The following TENM1 variants were observed in gnomAD, a reference collection of about 807,000 sequenced individuals.
TENM1 encodes teneurin-1.
TENM1 carries 35 observed loss-of-function variants against 174.8 expected under a neutral mutation model. The observed-to-expected ratio is 0.20, with a 90% confidence interval of 0.15 to 0.27. TENM1 has a LOEUF of 0.27. Among genes scored for constraint, TENM1 ranks in the 10% least tolerant of loss-of-function variants. The pLI, the probability that TENM1 is intolerant of heterozygous loss-of-function variation, is 1.00. For missense variants in TENM1, 1,633 were observed against 2,130.1 expected (o/e 0.77, Z 4.59); for synonymous variants, 781 against 798.7 (o/e 0.98, Z 0.37).
the TENM1 span, among the ~76,000 whole-genome samples, chrX:125,090,829 C>G: frequency 3.6e-5 from 4 of 111,580 alleles, no homozygotes; most frequent in East Asian, 1.1e-3. Flanking sequence ...AACACAAATA[C>G]TTGCATAGAC....
At chrX:124,616,214 G>A (rs2050395554) in intron 11 of TENM1, among the ~76,000 whole-genome samples, 2 of 112,648 alleles carry the variant, frequency 1.8e-5, no homozygotes, top group African/African-American at 6.4e-5. Flanking sequence ...GCCCCAAATC[G>A]ACCACAAAAT....
chrX:124,514,291 T>C (rs987806284), intron 18 of TENM1, among the ~76,000 whole-genome samples: 1 of 108,127 alleles, frequency 9.2e-6, no homozygotes, highest in Non-Finnish European at 1.9e-5. Context: ...TGTCACAATT[T>C]AAGAAAAAAA....
At chrX:124,768,187 A>G (rs774447858) in intron 3 of TENM1, among the ~76,000 whole-genome samples, 1 of 112,274 alleles carries the variant, frequency 8.9e-6, no homozygotes, top group Non-Finnish European at 1.9e-5. Context: ...AAGATATTTT[A>G]ATACATAAAC....
chrX:124,452,916 C>A (rs192457626), intron 23 of TENM1, among the ~76,000 whole-genome samples: 24 of 108,339 alleles, frequency 2.2e-4, no homozygotes, highest in Admixed American at 1.2e-3. Context: ...ATGTAAATGA[C>A]AAGTTAATGG....
chrX:124,983,565 C>T, the TENM1 span, among the ~76,000 whole-genome samples: 8,710 of 111,010 alleles, frequency 0.078, 284 homozygotes, highest in South Asian at 0.17. Context: ...CTCCTGAAAC[C>T]GTAACAAAAT....
At chrX:125,092,351 T>G in the TENM1 span, among the ~76,000 whole-genome samples, 1 of 111,913 alleles carries the variant, frequency 8.9e-6, no homozygotes, top group African/African-American at 3.2e-5. Flanking sequence ...CATTATAAGA[T>G]TATCATTCTT....
At chrX:124,588,775 G>T (rs1417352740) in intron 11 of TENM1, among the ~76,000 whole-genome samples, 2 of 111,967 alleles carry the variant, frequency 1.8e-5, no homozygotes, top group African/African-American at 6.5e-5. Context: ...CTGAAGTCCT[G>T]TATCAGTTCC....
At chrX:125,037,827 G>A in the TENM1 span, among the ~76,000 whole-genome samples, 3 of 111,515 alleles carry the variant, frequency 2.7e-5, no homozygotes, top group South Asian at 7.6e-4. Flanking sequence ...CTCTTGGAAT[G>A]CTCTCAGTAC....
intron 3 of TENM1, among the ~76,000 whole-genome samples, chrX:124,748,161 T>G (rs780007219): frequency 9.0e-6 from 1 of 111,257 alleles, no homozygotes; most frequent in African/African-American, 3.3e-5. Context: ...CATTGTCACT[T>G]AGGCTTACTG....
the TENM1 span, among the ~76,000 whole-genome samples, chrX:125,037,499 C>T: frequency 9.0e-6 from 1 of 110,977 alleles, no homozygotes; most frequent in Middle Eastern, 4.2e-3. Flanking sequence ...TGTACCTTCC[C>T]GTTCACCCTG....
chrX:124,978,736 C>T, the TENM1 span, among the ~76,000 whole-genome samples: 8 of 111,734 alleles, frequency 7.2e-5, no homozygotes, highest in Admixed American at 3.8e-4. Flanking sequence ...TTCTATTCTC[C>T]GACAATGGAT....
intron 3 of TENM1, among the ~76,000 whole-genome samples, chrX:124,757,371 A>T (rs1362817047): frequency 2.7e-5 from 3 of 112,127 alleles, no homozygotes; most frequent in Admixed American, 9.4e-5. Context: ...GGTGGAAGTG[A>T]CCCGATTTTC....
intron 22 of TENM1, among the ~76,000 whole-genome samples, chrX:124,454,157 G>C (rs2061076426): frequency 9.0e-6 from 1 of 111,697 alleles, no homozygotes; most frequent in Non-Finnish European, 1.9e-5. Flanking sequence ...TATAATAGCA[G>C]TTAGAAGGCT....
intron 3 of TENM1, among the ~76,000 whole-genome samples, chrX:124,807,771 C>T (rs1284937366): frequency 1.8e-5 from 2 of 110,220 alleles, no homozygotes; most frequent in Non-Finnish European, 3.8e-5. Flanking sequence ...TCTGTTATGA[C>T]TGCAAGATAT....
chrX:124,556,798 T>C (rs776715839), intron 14 of TENM1, among the ~76,000 whole-genome samples: 5 of 111,714 alleles, frequency 4.5e-5, no homozygotes, highest in African/African-American at 1.6e-4. Flanking sequence ...GAACTTGATG[T>C]AGAAGTAAAG....
At position 124,582,260 on chromosome X, in the gene TENM1, A is replaced by C. The variant is rs142562993; in HGVS notation, c.2078-16700T>G. 5.6e-4 allele frequency among the ~76,000 whole-genome samples: 63 copies of C among 112,247 alleles called. No individual in the cohort carries two copies. In the East Asian group the frequency reaches 0.016, roughly 28 times the overall value. The stretch of plus-strand genomic sequence containing the variant: ...TAGTATTCCATGGTGTGTATGTACC[A>C]TATTTTCTTTATCCAGTCTATCATT... On this transcript the variant is annotated intron_variant, in intron 11 of 31. Coordinates refer to ENST00000422452, the Ensembl canonical transcript of TENM1.
chrX:125,178,551 A>G, the TENM1 span, among the ~76,000 whole-genome samples: 1 of 110,215 alleles, frequency 9.1e-6, no homozygotes, highest in Non-Finnish European at 1.9e-5. Flanking sequence ...AAAAAAAAAG[A>G]AAGAAAAGAA....
At chrX:124,931,663 C>T (rs16994536) in intron 1 of TENM1, among the ~76,000 whole-genome samples, 11,472 of 111,284 alleles carry the variant, frequency 0.1, 1,398 homozygotes, top group African/African-American at 0.35. Flanking sequence ...TCAAATTCCT[C>T]TTCTAGCTGA....
chrX:124,619,280 T>C (rs1447031977), intron 11 of TENM1, among the ~76,000 whole-genome samples: 1 of 111,945 alleles, frequency 8.9e-6, no homozygotes, highest in Non-Finnish European at 1.9e-5. Context: ...TTAATACATT[T>C]ACATTAATAA....
Sources: gnomAD v4.1 joint callset for allele counts (sites outside exome capture counted in the v4.1 genomes callset) on GRCh38, gnomAD v4.1.1 for gene constraint, MANE v1.5 for transcripts, NCBI Gene and HGNC (gene_info 2026-07-23, HGNC 2026-07-21) for gene names.